SPMAP2L: variants seen among roughly 807,000 people sequenced by gnomAD.
SPMAP2L encodes sperm microtubule associated protein 2-like.
the SPMAP2L span, among the ~76,000 whole-genome samples, chr4:56,601,957 G>A: frequency 2.0e-5 from 3 of 152,166 alleles, no homozygotes; most frequent in Non-Finnish European, 4.4e-5. Flanking sequence ...TATCTCAGAA[G>A]GGTATACAAG....
the SPMAP2L span, among the ~76,000 whole-genome samples, chr4:56,614,957 A>G: frequency 6.6e-5 from 10 of 152,180 alleles, no homozygotes; most frequent in Non-Finnish European, 1.5e-4. Context: ...ATGTTTATAA[A>G]ATCCTAAATG....
the SPMAP2L span, among the ~76,000 whole-genome samples, chr4:56,625,354 T>A: frequency 6.6e-6 from 1 of 152,216 alleles, no homozygotes; most frequent in South Asian, 2.1e-4. Context: ...GCACTTTGGG[T>A]TAATGCTGAA....
the SPMAP2L span, among the ~76,000 whole-genome samples, chr4:56,547,288 C>T: frequency 6.7e-6 from 1 of 149,254 alleles, no homozygotes; most frequent in Non-Finnish European, 1.5e-5. Flanking sequence ...TCTTGTTGCC[C>T]AGGCTGAAGT....
the SPMAP2L span, among the ~76,000 whole-genome samples, chr4:56,585,531 A>G: frequency 3.3e-5 from 5 of 151,976 alleles, no homozygotes; most frequent in East Asian, 7.7e-4. Context: ...TTTTGTAGAG[A>G]CAGTTTCCTT....
the SPMAP2L span, chr4:56,592,934 A>AAGACG: frequency 6.2e-7 from 1 of 1,605,604 alleles, no homozygotes; most frequent in Middle Eastern, 1.7e-4. Flanking sequence ...ATTGATCGAG[A>AAGACG]AGACGGTCCC....
the SPMAP2L span, among the ~76,000 whole-genome samples, chr4:56,567,442 G>GTTTTTTTTTTT: frequency 7.2e-3 from 471 of 65,562 alleles, 38 homozygotes; most frequent in East Asian, 0.01. Flanking sequence ...AATTTTGGTG[G>GTTTTTTTTTTT]TTTTTTTTTT....
chr4:56,544,769 C>T, the SPMAP2L span, among the ~76,000 whole-genome samples: 33 of 152,330 alleles, frequency 2.2e-4, no homozygotes, highest in Admixed American at 1.6e-3. Flanking sequence ...GGAGCGCCAC[C>T]TGGCCCGAGG....
chr4:56,584,168 T>A, the SPMAP2L span, among the ~76,000 whole-genome samples: 27 of 152,080 alleles, frequency 1.8e-4, no homozygotes, highest in Non-Finnish European at 3.2e-4. Context: ...GATCTCACCA[T>A]GTTTGCCTGG....
At chr4:56,566,574 T>C in the SPMAP2L span, among the ~76,000 whole-genome samples, 2 of 152,152 alleles carry the variant, frequency 1.3e-5, no homozygotes, top group Non-Finnish European at 2.9e-5. Context: ...TATAACTTTG[T>C]TTTTTAGTTT....
At chr4:56,540,882 A>G in the SPMAP2L span, among the ~76,000 whole-genome samples, 1 of 152,210 alleles carries the variant, frequency 6.6e-6, no homozygotes, top group Admixed American at 6.5e-5. Context: ...ACTCCTCCCT[A>G]CTGTCCCCAA....
At chr4:56,582,025 A>G in the SPMAP2L span, among the ~76,000 whole-genome samples, 1 of 152,314 alleles carries the variant, frequency 6.6e-6, no homozygotes, top group Non-Finnish European at 1.5e-5. Context: ...CTCAAAATTG[A>G]TCACAGACCT....
chr4:56,600,348 C>CTGTA, the SPMAP2L span, among the ~76,000 whole-genome samples: 1 of 152,000 alleles, frequency 6.6e-6, no homozygotes, highest in Non-Finnish European at 1.5e-5. Context: ...GGCTGGAGTG[C>CTGTA]TGTAGTGTGA....
chr4:56,542,359 T>C, the SPMAP2L span, among the ~76,000 whole-genome samples: 1 of 152,154 alleles, frequency 6.6e-6, no homozygotes, highest in African/African-American at 2.4e-5. Flanking sequence ...AACCACTGCG[T>C]TGAGAGAGAA....
chr4:56,584,553 G>A, the SPMAP2L span: 44 of 1,535,260 alleles, frequency 2.9e-5, no homozygotes, highest in African/African-American at 1.4e-4. Flanking sequence ...CCTTCTCCCC[G>A]GATATTACAA....
At chr4:56,595,930 C>T in the SPMAP2L span, among the ~76,000 whole-genome samples, 45 of 152,330 alleles carry the variant, frequency 3.0e-4, no homozygotes, top group South Asian at 9.3e-3. Context: ...TGGTATTCTG[C>T]TTACATGTGT....
chr4:56,594,366 C>G, the SPMAP2L span: 1 of 1,556,092 alleles, frequency 6.4e-7, no homozygotes, highest in Non-Finnish European at 8.9e-7. Flanking sequence ...GAACTCGCAC[C>G]TATCACATGG....
At chr4:56,576,998 A>G in the SPMAP2L span, among the ~76,000 whole-genome samples, 1 of 152,318 alleles carries the variant, frequency 6.6e-6, no homozygotes, top group Admixed American at 6.5e-5. Context: ...AACATCAGCT[A>G]TTTTATAATA....
chr4:56,550,944 C>T, the SPMAP2L span, among the ~76,000 whole-genome samples: 6 of 112,442 alleles, frequency 5.3e-5, no homozygotes, highest in African/African-American at 2.1e-4. Context: ...CATAGTGAGA[C>T]TCTATCTCTA....
the SPMAP2L span, among the ~76,000 whole-genome samples, chr4:56,587,315 CTTT>C: frequency 6.6e-6 from 1 of 151,772 alleles, no homozygotes; most frequent in East Asian, 1.9e-4. Flanking sequence ...CAACTTTTTT[CTTT>C]TTTTGTGATT....
Sources: gnomAD v4.1 joint callset for allele counts (sites outside exome capture counted in the v4.1 genomes callset) on GRCh38, gnomAD v4.1.1 for gene constraint, MANE v1.5 for transcripts, NCBI Gene and HGNC (gene_info 2026-07-23, HGNC 2026-07-21) for gene names.